Variants in DEFB125 observed in about 807,000 individuals in gnomAD.
DEFB125 encodes defensin beta 125.
In DEFB125, 11 loss-of-function variants were observed where a neutral mutation model predicts 11.8. The ratio of observed to expected loss-of-function variants is 0.94; its 90% CI spans 0.59 to 1.55. DEFB125 has a LOEUF of 1.55. DEFB125 is among the 40% of genes most tolerant of loss of function. The pLI is 0.00. For synonymous variants in DEFB125, 79 were observed against 66.7 expected, an observed-to-expected ratio of 1.18 and a Z score of -0.90; for missense variants, 198 against 191.2, an observed-to-expected ratio of 1.04 and a Z score of -0.21.
chr20:89,429 AT>A (rs1182514201), intron 1 of DEFB125, among the ~76,000 whole-genome samples: 3 of 152,110 alleles, frequency 2.0e-5, no homozygotes, highest in Admixed American at 2.0e-4. Context: ...CAGTTTTCTT[AT>A]TTGAATAAAA....
At chr20:93,844 T>G (rs1437558371) in intron 1 of DEFB125, among the ~76,000 whole-genome samples, 1 of 152,150 alleles carries the variant, frequency 6.6e-6, no homozygotes, top group Non-Finnish European at 1.5e-5. Flanking sequence ...TGGGGGAAGC[T>G]GGATAAATAG....
chr20:87,869 C>A lies in DEFB125; in HGVS notation c.58+102C>A, dbSNP rs1331283060. 8 of 1,281,540 alleles carry A rather than the reference C, an allele frequency of 6.2e-6. No individual in the cohort carries two copies. In the African/African-American group the frequency reaches 1.0e-4, roughly 17 times the overall value. 79.4% of individuals were successfully genotyped at this position (1,281,540 alleles called of 1,614,324 possible). On this transcript the variant is annotated intron_variant, in intron 1 of 1. Coordinates refer to ENST00000382410, the MANE Select transcript of DEFB125 (RefSeq NM_153325.4). Reference sequence around the variant, plus strand: ...AAGAGAGGGAATCTGCAGGAAAAATCTGGGCCAACAAAGAGCAGCAGAATG... The same window carrying A: ...AAGAGAGGGAATCTGCAGGAAAAATATGGGCCAACAAAGAGCAGCAGAATG...
chr20:89,945 A>G (rs1038455171), intron 1 of DEFB125, among the ~76,000 whole-genome samples: 2 of 152,050 alleles, frequency 1.3e-5, no homozygotes, highest in Non-Finnish European at 2.9e-5. Flanking sequence ...TTAGCTATTT[A>G]GTCTCTCTGG....
chr20:90,854 C>CT (rs2054493671), intron 1 of DEFB125, among the ~76,000 whole-genome samples: 1 of 152,172 alleles, frequency 6.6e-6, no homozygotes, highest in Non-Finnish European at 1.5e-5. Context: ...ACTGGTGTGA[C>CT]TAATTCCTTT....
rs1268236971 is a variant in DEFB125 at position 96,160 on chromosome 20, G to A, written c.214G>A (p.Val72Met). The A allele has an allele frequency of 6.2e-7, 1 of 1,614,102 alleles. No homozygotes were observed. The highest frequency in any genetic ancestry group is 1.1e-5 in the South Asian group (1 of 91,078). Reference sequence around the variant, plus strand: ...ATATACTCGACGACCAGCATTTCCTGTGATTCACCTAGAGGATATAACATT... The same window carrying A: ...ATATACTCGACGACCAGCATTTCCTATGATTCACCTAGAGGATATAACATT... ...HEYTRRPAFP[V>M]IHLEDITLDY... Residue 72 changes from valine to methionine, a missense_variant, in exon 2 of 2, where the codon GTG becomes ATG. Transcript: ENST00000382410.
At chr20:90,730 T>C (rs1196976983) in intron 1 of DEFB125, among the ~76,000 whole-genome samples, 1 of 152,178 alleles carries the variant, frequency 6.6e-6, no homozygotes, top group Non-Finnish European at 1.5e-5. Context: ...TTATAGTCCT[T>C]GTTCACTCCA....
chr20:94,686 C>T (rs1357630123), intron 1 of DEFB125, among the ~76,000 whole-genome samples: 1 of 152,140 alleles, frequency 6.6e-6, no homozygotes, highest in Non-Finnish European at 1.5e-5. Context: ...TTGGGGACCC[C>T]TGCTATAGGA....
rs537226093 is a variant in DEFB125, at chr20:96,261, T to A, written c.315T>A (p.Thr105=). The A allele has an allele frequency of 6.2e-7, 1 of 1,614,104 alleles. No individual in the cohort carries two copies. Among genetic ancestry groups the A allele is most frequent in the Non-Finnish European group, 8.5e-7 (1 of 1,180,018 alleles). Residue 105 remains threonine (T), a synonymous_variant, in exon 2 of 2, where the codon ACT becomes ACA. Coordinates refer to ENST00000382410, the MANE Select transcript of DEFB125 (RefSeq NM_153325.4). ...MLNDLITFDT[T]KFGETMTPET... is the part of the protein sequence containing the mutation. ...ATGATCTGATAACATTTGACACAAC[T>A]AAATTTGGAGAAACCATGACACCTG...
At chr20:90,345 A>T (rs2054491793) in intron 1 of DEFB125, among the ~76,000 whole-genome samples, 1 of 152,196 alleles carries the variant, frequency 6.6e-6, no homozygotes, top group Admixed American at 6.5e-5. Flanking sequence ...TCTTGGAATT[A>T]TCTATGATTT....
rs187343958 is a variant in DEFB125 at position 91,218 on chromosome 20, G to A, written c.58+3451G>A. On this transcript the variant is annotated intron_variant, in intron 1 of 1. Transcript: ENST00000382410. ...ATATACTTTTTGTTGTTAATTCCTCGTCAGATGGATAGCTTGCAAATATTT... is the reference window on the plus strand; with the variant it reads ...ATATACTTTTTGTTGTTAATTCCTCATCAGATGGATAGCTTGCAAATATTT... Among the ~76,000 whole-genome samples, 250 of 152,092 alleles carry A rather than the reference G, an allele frequency of 1.6e-3. 3 individuals are homozygous for A. The highest frequency in any genetic ancestry group is 5.7e-3 in the African/African-American group (237 of 41,492).
chr20:94,523 T>G (rs2054507614), intron 1 of DEFB125, among the ~76,000 whole-genome samples: 1 of 152,108 alleles, frequency 6.6e-6, no homozygotes. Context: ...CAGTTCACAA[T>G]AGGGTTCATG....
intron 1 of DEFB125, among the ~76,000 whole-genome samples, chr20:87,969 C>T (rs2054482178): frequency 6.6e-6 from 1 of 152,164 alleles, no homozygotes; most frequent in African/African-American, 2.4e-5. Flanking sequence ...GCTGGGATGT[C>T]CTCTGAGGCA....
At chr20:95,884 G>A (rs2054512759) in intron 1 of DEFB125, 121 bp from the exon 2 acceptor site, 2 of 911,348 alleles carry the variant, frequency 2.2e-6, no homozygotes, top group East Asian at 5.0e-5. Context: ...CTCTTACAAT[G>A]GCTTTTTGTA....
At chr20:92,793 G>A (rs971081874) in intron 1 of DEFB125, among the ~76,000 whole-genome samples, 31 of 151,786 alleles carry the variant, frequency 2.0e-4, no homozygotes, top group African/African-American at 6.0e-4. Flanking sequence ...TTTATCCCAT[G>A]CCCCATTTAT....
intron 1 of DEFB125, among the ~76,000 whole-genome samples, chr20:91,743 GAGA>G (rs1242799933): frequency 1.3e-5 from 2 of 152,200 alleles, no homozygotes; most frequent in African/African-American, 4.8e-5. Flanking sequence ...AAAGACAAAG[GAGA>G]AGAAGAGAGC....
At chr20:92,909 T>C (rs1404486270) in intron 1 of DEFB125, among the ~76,000 whole-genome samples, 2 of 152,212 alleles carry the variant, frequency 1.3e-5, no homozygotes, top group East Asian at 1.9e-4. Context: ...CTGTGTGAAT[T>C]TGTGACTATG....
chr20:96,858 G>C lies in DEFB125; in HGVS notation c.*441G>C, dbSNP rs1004252178. 1 of 156,014 alleles carries C rather than the reference G, an allele frequency of 6.4e-6. No individual in the cohort carries two copies. Among genetic ancestry groups the C allele is most frequent in the African/African-American group, 2.4e-5 (1 of 41,498 alleles). 9.7% of individuals were successfully genotyped at this position (156,014 alleles called of 1,614,324 possible). On this transcript the variant is annotated 3_prime_UTR_variant, in exon 2 of 2. Coordinates refer to ENST00000382410, the MANE Select transcript of DEFB125 (RefSeq NM_153325.4). ...ATAGGAGAACATATAAAAGCATATAGAAAGTTCCAGATGAATGTTCCCTTC... is the reference window on the plus strand; with the variant it reads ...ATAGGAGAACATATAAAAGCATATACAAAGTTCCAGATGAATGTTCCCTTC...
At chr20:92,736 G>A (rs1004926375) in intron 1 of DEFB125, among the ~76,000 whole-genome samples, 13 of 151,842 alleles carry the variant, frequency 8.6e-5, no homozygotes, top group African/African-American at 2.9e-4. Flanking sequence ...ACCTTTATTT[G>A]TCTTTTATTT....
chr20:95,343 C>G (rs2054510982), intron 1 of DEFB125, among the ~76,000 whole-genome samples: 1 of 152,042 alleles, frequency 6.6e-6, no homozygotes, highest in Non-Finnish European at 1.5e-5. Flanking sequence ...CCATGGTTTA[C>G]CAATTTCTGT....
Sources: gnomAD v4.1 joint callset for allele counts (sites outside exome capture counted in the v4.1 genomes callset) on GRCh38, gnomAD v4.1.1 for gene constraint, MANE v1.5 for transcripts, NCBI Gene and HGNC (gene_info 2026-07-23, HGNC 2026-07-21) for gene names.